ABLIM3: variants seen among roughly 807,000 people sequenced by gnomAD.
ABLIM3 encodes the protein actin binding LIM protein family member 3.
A neutral mutation model predicts 109.5 loss-of-function variants in ABLIM3; 61 were observed. That is an observed-to-expected ratio of 0.56 (90% CI 0.45 to 0.69). The LOEUF is 0.69. Among genes scored for constraint, ABLIM3 ranks in the 30% least tolerant of loss-of-function variants. The probability of loss-of-function intolerance (pLI) is 0.00; values close to 1 mark genes in which losing one functional copy is unlikely to be tolerated. For synonymous variants in ABLIM3, 300 were observed against 324.8 expected (o/e 0.92, Z 0.82); for missense variants, 796 against 889.5 (o/e 0.89, Z 1.34).
chr5:149,235,998 A>G (rs1255438465), intron 10 of ABLIM3, among the ~76,000 whole-genome samples: 1 of 152,238 alleles, frequency 6.6e-6, no homozygotes, highest in Non-Finnish European at 1.5e-5. Context: ...AGAGAGAGTC[A>G]TGCCCAGCCC....
intron 3 of ABLIM3, among the ~76,000 whole-genome samples, chr5:149,190,864 A>C (rs1441532769): frequency 6.6e-6 from 1 of 152,206 alleles, no homozygotes; most frequent in Non-Finnish European, 1.5e-5. Flanking sequence ...GGTTAGCAAA[A>C]TCTTAATGAA....
chr5:149,252,344 C>A (rs756496104), intron 22 of ABLIM3, 136 bp downstream of exon 22: 4 of 939,240 alleles, frequency 4.3e-6, no homozygotes, highest in Non-Finnish European at 6.2e-6. Context: ...CTTTCAAGAC[C>A]AACATTTCCT....
intron 5 of ABLIM3, among the ~76,000 whole-genome samples, chr5:149,202,002 GA>G (rs1175419810): frequency 6.6e-6 from 1 of 152,254 alleles, no homozygotes; most frequent in Non-Finnish European, 1.5e-5. Flanking sequence ...ATCAAACTAA[GA>G]TACATTGCTT....
intron 8 of ABLIM3, among the ~76,000 whole-genome samples, chr5:149,221,704 AAAAT>A (rs1457401051): frequency 1.3e-5 from 2 of 152,222 alleles, no homozygotes; most frequent in Non-Finnish European, 2.9e-5. Context: ...TTTGTGCAGC[AAAAT>A]AATGGCCAAA....
intron 10 of ABLIM3, among the ~76,000 whole-genome samples, chr5:149,234,667 G>A (rs1329666796): frequency 1.3e-5 from 2 of 152,228 alleles, no homozygotes; most frequent in Admixed American, 6.5e-5. Flanking sequence ...ATCACAGGCT[G>A]TACTCATGGA....
rs1754697697 is a variant in ABLIM3, at chr5:149,259,159, A to G, written c.*755A>G. ...TGGACTTGGAGAACCAGAGGAAAAG[A>G]GAGGGAGCGGAAGTGGGAGATGGAG... On this transcript the variant is annotated 3_prime_UTR_variant, in exon 24 of 24. Transcript: ENST00000309868. The G allele has an allele frequency of 9.7e-7, 1 of 1,026,482 alleles. No homozygotes were observed. The highest frequency in any genetic ancestry group is 1.2e-6 in the Non-Finnish European group (1 of 856,574). The allele number at this position is 1,026,482 out of a possible 1,614,324, so 63.6% of individuals were successfully genotyped here.
intron 10 of ABLIM3, among the ~76,000 whole-genome samples, chr5:149,235,914 A>G (rs185034137): frequency 1.3e-5 from 2 of 152,316 alleles, no homozygotes; most frequent in Admixed American, 6.5e-5. Flanking sequence ...TGTTGTTACC[A>G]CACTGGACCT....
At chr5:149,186,807 TAAC>T (rs1453429013) in intron 3 of ABLIM3, among the ~76,000 whole-genome samples, 2 of 151,466 alleles carry the variant, frequency 1.3e-5, no homozygotes, top group African/African-American at 2.4e-5. Flanking sequence ...CATTACATAA[TAAC>T]TATATTGATA....
In ABLIM3 at chr5:149,198,913, A is replaced by T; in HGVS notation, c.335+511A>T. The T allele has an allele frequency of 2.6e-6, 1 of 382,780 alleles. No individual in the cohort carries two copies. Among genetic ancestry groups the T allele is most frequent in the Middle Eastern group, 7.7e-4 (1 of 1,300 alleles). The allele number at this position is 382,780 out of a possible 1,614,324, so 23.7% of individuals were successfully genotyped here. A position where few individuals can be genotyped will look rare whatever the true frequency, so the allele number is the denominator to read the frequency against. On this transcript the variant is annotated intron_variant, in intron 4 of 23. Transcript: ENST00000309868. The surrounding 1 kb of genome is among the most constrained non-coding windows in gnomAD (Gnocchi z 4.2). The stretch of plus-strand genomic sequence containing the variant: ...TAAAATGGAGGTCAAAGCCATTCCA[A>T]CCTCATTGGGTTTTCTCGAAGATCA...
At chr5:149,165,632 G>A (rs1372686264) in intron 2 of ABLIM3, among the ~76,000 whole-genome samples, 2 of 152,136 alleles carry the variant, frequency 1.3e-5, no homozygotes, top group Admixed American at 6.5e-5. Flanking sequence ...CATGCATGTG[G>A]TTCCAAATGG....
chr5:149,162,705 T>C (rs1581016716), intron 2 of ABLIM3, among the ~76,000 whole-genome samples: 1 of 152,288 alleles, frequency 6.6e-6, no homozygotes, highest in East Asian at 1.9e-4. Context: ...AAGAACATCC[T>C]GTGTGCCCCT....
chr5:149,242,456 C>T (rs1005130902), intron 14 of ABLIM3, 35 bp from the exon 15 acceptor site: 2 of 1,605,174 alleles, frequency 1.2e-6, no homozygotes, highest in African/African-American at 2.7e-5. Flanking sequence ...TCTCTCTCTC[C>T]CCTCCCCACT....
chr5:149,218,527 A>C (rs1266849096), intron 8 of ABLIM3: 3 of 152,394 alleles, frequency 2.0e-5, no homozygotes, highest in African/African-American at 7.2e-5. Flanking sequence ...GGGTGAAGAA[A>C]TGGCGAGTGC....
In ABLIM3 at chr5:149,259,471, G is replaced by A; in HGVS notation, c.*1067G>A. 1 of 1,535,854 alleles carries A rather than the reference G, an allele frequency of 6.5e-7. No individual in the cohort carries two copies. The highest frequency in any genetic ancestry group is 8.7e-7 in the Non-Finnish European group (1 of 1,146,846). On this transcript the variant is annotated 3_prime_UTR_variant, in exon 24 of 24. Transcript: ENST00000309868. ...GGTTCTTGGTCTATGCCTCTGGTCT[G>A]TGGGCTGGCAGGGCAACCATACCAT...
chr5:149,202,272 T>A (rs903551110), intron 5 of ABLIM3, among the ~76,000 whole-genome samples: 1 of 152,170 alleles, frequency 6.6e-6, no homozygotes, highest in Admixed American at 6.5e-5. Flanking sequence ...CACCATAATT[T>A]GGATGATTAG....
intron 13 of ABLIM3, 86 bp downstream of exon 13, chr5:149,239,974 G>C (rs945949932): frequency 6.8e-7 from 1 of 1,472,710 alleles, no homozygotes; most frequent in Non-Finnish European, 9.0e-7. Context: ...AGGGCACAAG[G>C]CTCCCCCATG....
intron 14 of ABLIM3, among the ~76,000 whole-genome samples, chr5:149,241,910 G>C (rs1327237438): frequency 6.6e-6 from 1 of 152,188 alleles, no homozygotes; most frequent in Non-Finnish European, 1.5e-5. Context: ...GTGTAGTTTG[G>C]ACAAGGTCTC....
chr5:149,199,959 A>G (rs1364683434), intron 4 of ABLIM3, among the ~76,000 whole-genome samples: 1 of 152,220 alleles, frequency 6.6e-6, no homozygotes, highest in Non-Finnish European at 1.5e-5. Context: ...TGTGAGTTGA[A>G]TGAATTCTTA....
At chr5:149,200,672 G>A in intron 5 of ABLIM3, 1 of 532,320 alleles carries the variant, frequency 1.9e-6, no homozygotes, top group Non-Finnish European at 3.4e-6. Context: ...TTTGCCACAT[G>A]GTATGTCTCC....
Sources: gnomAD v4.1 joint callset for allele counts (sites outside exome capture counted in the v4.1 genomes callset) on GRCh38, gnomAD v4.1.1 for gene constraint, Gnocchi (gnomAD v3.1) non-coding constraint, MANE v1.5 for transcripts, NCBI Gene and HGNC (gene_info 2026-07-23, HGNC 2026-07-21) for gene names.